CFAP99: variants seen among roughly 807,000 people sequenced by gnomAD.
The protein encoded by CFAP99 is cilia- and flagella-associated protein 99.
CFAP99 carries 84 observed loss-of-function variants against 82.7 expected under a neutral mutation model. The ratio of observed to expected loss-of-function variants is 1.02; its 90% CI spans 0.85 to 1.22. The LOEUF is 1.22. CFAP99 is among the 50% of genes most tolerant of loss of function. The probability of loss-of-function intolerance (pLI) is 0.00; values close to 1 mark genes in which losing one functional copy is unlikely to be tolerated. For missense variants in CFAP99, 1,059 were observed against 983.5 expected (o/e 1.08, Z -1.03); for synonymous variants, 456 against 429.5 (o/e 1.06, Z -0.76).
chr4:2,429,978 C>G (rs1044500464), intron 2 of CFAP99, among the ~76,000 whole-genome samples: 3 of 152,246 alleles, frequency 2.0e-5, no homozygotes, highest in African/African-American at 7.2e-5. Flanking sequence ...GCTTTCCTCT[C>G]CAGCTATCAA....
intron 1 of CFAP99, among the ~76,000 whole-genome samples, chr4:2,420,920 C>A (rs1056865159): frequency 6.6e-6 from 1 of 152,222 alleles, no homozygotes; most frequent in Non-Finnish European, 1.5e-5. Flanking sequence ...AGTCTCACAC[C>A]TTTCCACTTC....
At chr4:2,425,908 G>T (rs905227062) in intron 1 of CFAP99, among the ~76,000 whole-genome samples, 5 of 151,990 alleles carry the variant, frequency 3.3e-5, no homozygotes, top group Non-Finnish European at 4.4e-5. Flanking sequence ...CCATCGTCAG[G>T]ATGGCGGCGT....
intron 13 of CFAP99, 58 bp from the exon 14 acceptor site, chr4:2,459,978 TG>T: frequency 6.8e-7 from 1 of 1,471,842 alleles, no homozygotes; most frequent in Non-Finnish European, 9.2e-7. Context: ...GGGATCCTGG[TG>T]GGAAGCATCG....
chr4:2,439,894 A>G (rs1179306395), intron 4 of CFAP99, among the ~76,000 whole-genome samples: 1 of 151,510 alleles, frequency 6.6e-6, no homozygotes. Context: ...CCCAGGCTGG[A>G]GTGCAGTGGT....
chr4:2,449,639 C>T (rs1335371481), intron 6 of CFAP99, 31 bp from the exon 7 acceptor site: 3 of 1,532,678 alleles, frequency 2.0e-6, no homozygotes, highest in Middle Eastern at 1.7e-4. Context: ...CAGCTGCTGA[C>T]CATAGGCTCT....
At chr4:2,423,638 G>A (rs1733626293) in intron 1 of CFAP99, among the ~76,000 whole-genome samples, 1 of 152,194 alleles carries the variant, frequency 6.6e-6, no homozygotes, top group African/African-American at 2.4e-5. Flanking sequence ...CCAGGGGCAG[G>A]CCATGAAGGG....
intron 1 of CFAP99, among the ~76,000 whole-genome samples, chr4:2,421,571 A>G (rs1733586303): frequency 6.6e-6 from 1 of 151,140 alleles, no homozygotes; most frequent in Non-Finnish European, 1.5e-5. Context: ...CTGGTCTGGA[A>G]CTCCTGATCT....
At chr4:2,457,519 CT>C (rs1734465761) in intron 11 of CFAP99, among the ~76,000 whole-genome samples, 2 of 152,310 alleles carry the variant, frequency 1.3e-5, no homozygotes, top group Middle Eastern at 3.4e-3. Flanking sequence ...GTGGCTGCCC[CT>C]GGCCCCTGAG....
rs557978219 is a variant in CFAP99, at chr4:2,446,836, G to C, written c.642+1528G>C. Among the ~76,000 whole-genome samples the C allele has an allele frequency of 6.6e-6, 1 of 151,894 alleles. No homozygotes were observed. The highest frequency in any genetic ancestry group is 2.4e-5 in the African/African-American group (1 of 41,432). On this transcript the variant is annotated intron_variant, in intron 6 of 14. Coordinates refer to ENST00000635017, the Ensembl canonical transcript of CFAP99. The surrounding 1 kb of genome is among the most constrained non-coding windows in gnomAD (Gnocchi z 5.0). ...GGATGAATGGATGGATGGATGGATG[G>C]ATGATTGGATTGGTGAATGGATAGA...
intron 2 of CFAP99, among the ~76,000 whole-genome samples, chr4:2,433,612 G>A (rs1316235033): frequency 6.6e-6 from 1 of 152,256 alleles, no homozygotes; most frequent in Middle Eastern, 3.4e-3. Flanking sequence ...TCACTCACAG[G>A]ATGTCACTGG....
At chr4:2,457,235 A>G (rs1025886502) in intron 11 of CFAP99, among the ~76,000 whole-genome samples, 9 of 152,194 alleles carry the variant, frequency 5.9e-5, no homozygotes, top group African/African-American at 2.2e-4. Context: ...GAGCCGCTGC[A>G]GCTGGCCCTG....
intron 13 of CFAP99, 30 bp downstream of exon 13, chr4:2,459,288 C>G: frequency 6.7e-7 from 1 of 1,492,894 alleles, no homozygotes; most frequent in Non-Finnish European, 8.9e-7. Flanking sequence ...CGGGCCCATG[C>G]CTCAGGGGCC....
intron 1 of CFAP99, among the ~76,000 whole-genome samples, chr4:2,425,647 C>T (rs924505701): frequency 1.2e-4 from 18 of 152,184 alleles, no homozygotes; most frequent in African/African-American, 4.3e-4. Context: ...TACTGTCCTG[C>T]GTAGTCCAGC....
intron 2 of CFAP99, among the ~76,000 whole-genome samples, chr4:2,433,028 T>C (rs990072892): frequency 1.3e-5 from 2 of 148,912 alleles, no homozygotes; most frequent in Non-Finnish European, 3.0e-5. Flanking sequence ...ACACCACGTG[T>C]CCTGGCAGCC....
intron 14 of CFAP99, among the ~76,000 whole-genome samples, chr4:2,461,856 A>C (rs1187902603): frequency 6.6e-6 from 1 of 152,186 alleles, no homozygotes; most frequent in African/African-American, 2.4e-5. Context: ...GATGCAGGCC[A>C]CAGCACCACA....
chr4:2,425,801 T>C (rs1312594661), intron 1 of CFAP99, among the ~76,000 whole-genome samples: 4 of 151,974 alleles, frequency 2.6e-5, no homozygotes, highest in African/African-American at 9.7e-5. Flanking sequence ...TTCTCCAAGG[T>C]CCCCTGGGAG....
chr4:2,462,518 C>G lies in CFAP99; in HGVS notation c.1737C>G (p.Arg579=). The G allele has an allele frequency of 6.8e-7, 1 of 1,477,608 alleles. No homozygotes were observed. Among genetic ancestry groups the G allele is most frequent in the African/African-American group, 1.5e-5 (1 of 68,186 alleles). 91.5% of individuals were successfully genotyped at this position (1,477,608 alleles called of 1,614,324 possible). A position where few individuals can be genotyped will look rare whatever the true frequency, so the allele number is the denominator to read the frequency against. ...ACGAGCGCGTGCAGCAGCTGCGGCG[C>G]AGGATCTCGGAGAGGGCGGCCGAGC... The change falls in exon 15 of 15, where the codon CGC becomes CGG. Residue 579 remains arginine (R), a synonymous_variant. Transcript: ENST00000635017. This position sits in a 1 kb window ranked among gnomAD's most constrained non-coding sequence, Gnocchi z 4.1.
At chr4:2,428,240 G>C (rs1733725196) in intron 2 of CFAP99, 2 of 152,406 alleles carry the variant, frequency 1.3e-5, no homozygotes, top group South Asian at 4.1e-4. Context: ...CTGGGAGCTG[G>C]CGTCACCCAC....
In CFAP99 at chr4:2,451,362, G is replaced by A. The variant is rs1040035085; in HGVS notation, c.956+10G>A. 30 of 1,534,564 alleles carry A rather than the reference G, an allele frequency of 2.0e-5. No individual in the cohort carries two copies. The highest frequency in any genetic ancestry group is 1.6e-4 in the African/African-American group (12 of 72,984). The stretch of plus-strand genomic sequence containing the variant: ...AGCAGGAGCTGCAGAGGTGAAGGGC[G>A]GCAGGCCCCCCCACCTGCCTTCCAC... On this transcript the variant is annotated intron_variant, in intron 10 of 14. Transcript: ENST00000635017.
Sources: gnomAD v4.1 joint callset for allele counts (sites outside exome capture counted in the v4.1 genomes callset) on GRCh38, gnomAD v4.1.1 for gene constraint, Gnocchi (gnomAD v3.1) non-coding constraint, MANE v1.5 for transcripts, NCBI Gene and HGNC (gene_info 2026-07-23, HGNC 2026-07-21) for gene names.